MYOM1: variants seen among roughly 807,000 people sequenced by gnomAD.
The protein encoded by MYOM1 is myomesin-1.
MYOM1 carries 164 observed loss-of-function variants against 205.3 expected under a neutral mutation model. That is an observed-to-expected ratio of 0.80 (90% CI 0.70 to 0.91). The LOEUF is 0.91. MYOM1 is among the 40% of genes least tolerant of loss of function. The pLI, the probability that MYOM1 is intolerant of heterozygous loss-of-function variation, is 0.00. For synonymous variants in MYOM1, 772 were observed against 789.4 expected, an observed-to-expected ratio of 0.98 and a Z score of 0.37; for missense variants, 2,011 against 2,127.3, an observed-to-expected ratio of 0.95 and a Z score of 1.08.
intron 14 of MYOM1, among the ~76,000 whole-genome samples, chr18:3,139,546 A>G (rs2080020290): frequency 1.3e-5 from 2 of 152,214 alleles, no homozygotes; most frequent in Admixed American, 1.3e-4. Flanking sequence ...CAGGGACAGG[A>G]GCACACAGAC....
chr18:3,155,423 A>T (rs577698229), intron 10 of MYOM1, among the ~76,000 whole-genome samples: 65 of 152,214 alleles, frequency 4.3e-4, no homozygotes, highest in Non-Finnish European at 6.6e-4. Context: ...ATGGGGTTTC[A>T]CCGTGTTAGC....
intron 21 of MYOM1, among the ~76,000 whole-genome samples, chr18:3,115,396 G>A (rs1310705659): frequency 6.6e-6 from 1 of 152,178 alleles, no homozygotes; most frequent in Non-Finnish European, 1.5e-5. Context: ...TAACCCTGGA[G>A]AGTGGCTGAT....
At chr18:3,121,351 T>C (rs1375784821) in intron 19 of MYOM1, among the ~76,000 whole-genome samples, 1 of 152,164 alleles carries the variant, frequency 6.6e-6, no homozygotes, top group Admixed American at 6.5e-5. Flanking sequence ...ATTTTAAGTA[T>C]AGCACACCAA....
At chr18:3,228,473 C>A in the MYOM1 span, among the ~76,000 whole-genome samples, 123 of 151,996 alleles carry the variant, frequency 8.1e-4, no homozygotes, top group Admixed American at 5.0e-3. The surrounding 1 kb of genome is among the most constrained non-coding windows in gnomAD (Gnocchi z 4.5). Flanking sequence ...AACTGTCTCC[C>A]GACAATGACT....
chr18:3,228,498 C>T, the MYOM1 span, among the ~76,000 whole-genome samples: 1 of 151,484 alleles, frequency 6.6e-6, no homozygotes, highest in African/African-American at 2.4e-5. The surrounding 1 kb of genome is among the most constrained non-coding windows in gnomAD (Gnocchi z 4.5). Flanking sequence ...GTTACTTTTA[C>T]AAAAATCATA....
At chr18:3,171,666 G>A (rs1296859811) in intron 8 of MYOM1, among the ~76,000 whole-genome samples, 1 of 152,072 alleles carries the variant, frequency 6.6e-6, no homozygotes. Flanking sequence ...AGACCATTAA[G>A]AATGGTTTTT....
At chr18:3,088,541 T>C (rs2143702261) in intron 29 of MYOM1, among the ~76,000 whole-genome samples, 1 of 152,296 alleles carries the variant, frequency 6.6e-6, no homozygotes, top group South Asian at 2.1e-4. Flanking sequence ...CTTCCACCTG[T>C]CCTTGTCAGC....
chr18:3,107,981 T>A (rs919209004), intron 22 of MYOM1, among the ~76,000 whole-genome samples: 12 of 152,360 alleles, frequency 7.9e-5, no homozygotes, highest in African/African-American at 2.6e-4. Context: ...CAGTTGCTCC[T>A]ATAGATAACA....
intron 22 of MYOM1, among the ~76,000 whole-genome samples, chr18:3,108,462 G>A (rs1225070815): frequency 1.3e-5 from 2 of 152,020 alleles, no homozygotes; most frequent in Non-Finnish European, 2.9e-5. Flanking sequence ...TTAACAAAAG[G>A]TACATGATAC....
the MYOM1 span, among the ~76,000 whole-genome samples, chr18:3,238,560 T>C: frequency 1.3e-5 from 2 of 152,108 alleles, no homozygotes; most frequent in Admixed American, 6.5e-5. Context: ...AGCAAGAAAA[T>C]AGGACAACAG....
At chr18:3,115,647 G>T (rs1052389463) in intron 21 of MYOM1, among the ~76,000 whole-genome samples, 2 of 152,106 alleles carry the variant, frequency 1.3e-5, no homozygotes, top group Non-Finnish European at 2.9e-5. Flanking sequence ...GGGGCATCAG[G>T]GTCTCCAGGT....
At chr18:3,147,114 A>C (rs1034362573) in intron 13 of MYOM1, among the ~76,000 whole-genome samples, 1 of 140,324 alleles carries the variant, frequency 7.1e-6, no homozygotes, top group African/African-American at 2.5e-5. Flanking sequence ...ATATATATTT[A>C]TATATAAATA....
intron 2 of MYOM1, among the ~76,000 whole-genome samples, chr18:3,198,387 G>A (rs548107501): frequency 6.6e-6 from 1 of 152,284 alleles, no homozygotes; most frequent in South Asian, 2.1e-4. Context: ...CTTTCCCACT[G>A]CCTGTGACTA....
intron 10 of MYOM1, among the ~76,000 whole-genome samples, chr18:3,158,620 CTTTCTTTT>C (rs1486584030): frequency 6.6e-6 from 1 of 151,814 alleles, no homozygotes; most frequent in African/African-American, 2.4e-5. Context: ...TTCTTTTTTT[CTTTCTTTT>C]TTTGAGATAG....
rs770693839 is a variant in MYOM1, at chr18:3,135,716, T to C, written c.2040A>G (p.Thr680=). ...MYFVEKCEAG[T]ENWQRVNTEL... ...CCGTGTTCACTCGCTGCCAGTTTTC[T>C]GTTCCTGCCTCACACTGCAGCAAGA... is the stretch of plus-strand genomic sequence containing the variant. The change falls in exon 15 of 38, where the codon ACA becomes ACG. Residue 680 remains threonine, a synonymous_variant. Transcript: ENST00000356443. The surrounding 1 kb of genome is among the most constrained non-coding windows in gnomAD (Gnocchi z 4.1). 2 of 1,613,896 alleles carry C rather than the reference T, an allele frequency of 1.2e-6. No homozygotes were observed. Among genetic ancestry groups the C allele is most frequent in the Non-Finnish European group, 1.7e-6 (2 of 1,179,854 alleles).
chr18:3,087,339 G>T (rs1296825484), intron 29 of MYOM1, among the ~76,000 whole-genome samples: 2 of 150,324 alleles, frequency 1.3e-5, no homozygotes, highest in Non-Finnish European at 3.0e-5. Flanking sequence ...TTTTAAAGCC[G>T]TGGTGACTTC....
chr18:3,161,011 G>A (rs1308808249), intron 10 of MYOM1, among the ~76,000 whole-genome samples: 1 of 152,190 alleles, frequency 6.6e-6, no homozygotes. Flanking sequence ...AATAGCCAGC[G>A]ATGTTCTCTG....
rs760272974 is a variant in MYOM1, at chr18:3,135,284, CAGTT to C, written c.2209+259_2209+262del. ...TTTTTTAAAGCAAAAAATTTTAAAA[CAGTT>C]AGGGAGCATGGATAAACTAAATGTC... is the stretch of plus-strand genomic sequence containing the variant. On this transcript the variant is annotated intron_variant, in intron 15 of 37. Coordinates refer to ENST00000356443, the MANE Select transcript of MYOM1 (RefSeq NM_003803.4). This position sits in a 1 kb window ranked among gnomAD's most constrained non-coding sequence, Gnocchi z 4.1. The C allele has an allele frequency of 3.6e-5, 13 of 366,004 alleles. No individual in the cohort carries two copies. Among genetic ancestry groups the C allele is most frequent in the Middle Eastern group, 8.0e-4 (1 of 1,248 alleles). The allele number at this position is 366,004 out of a possible 1,614,324, so 22.7% of individuals were successfully genotyped here.
chr18:3,187,547 C>A lies in MYOM1; in HGVS notation c.862G>T (p.Val288Phe). ...EFIIKPRSHTVWEKENVKLHC... is the reference protein window; with the variant it reads ...EFIIKPRSHTFWEKENVKLHC... ...AATTTTACATTCTCCTTCTCCCAAA[C>A]CGTGTGGGAGCGAGGTTTAATGATA... Residue 288 changes from valine to phenylalanine, a missense_variant, in exon 5 of 38, where the codon GTT becomes TTT. Coordinates refer to ENST00000356443, the MANE Select transcript of MYOM1 (RefSeq NM_003803.4). The A allele has an allele frequency of 6.2e-7, 1 of 1,613,862 alleles. No homozygotes were observed. Among genetic ancestry groups the A allele is most frequent in the Non-Finnish European group, 8.5e-7 (1 of 1,179,830 alleles).
Sources: gnomAD v4.1 joint callset for allele counts (sites outside exome capture counted in the v4.1 genomes callset) on GRCh38, gnomAD v4.1.1 for gene constraint, Gnocchi (gnomAD v3.1) non-coding constraint, MANE v1.5 for transcripts, NCBI Gene and HGNC (gene_info 2026-07-23, HGNC 2026-07-21) for gene names.